Variants in PPDPFL observed in about 807,000 individuals in gnomAD.
The protein encoded by PPDPFL is pancreatic progenitor cell differentiation and proliferation factor like, also known as pancreatic progenitor cell differentiation and proliferation factor-like protein.
A neutral mutation model predicts 12.6 loss-of-function variants in PPDPFL; 12 were observed. The ratio of observed to expected loss-of-function variants is 0.95; its 90% CI spans 0.61 to 1.54. The LOEUF is 1.54. Among genes scored for constraint, PPDPFL ranks in the 40% most tolerant of loss-of-function variants. The pLI is 0.00. For missense variants in PPDPFL, 114 were observed against 96.0 expected, an observed-to-expected ratio of 1.19 and a Z score of -0.78; for synonymous variants, 24 against 32.7, an observed-to-expected ratio of 0.73 and a Z score of 0.91.
At position 49,072,821 on chromosome 8, in the gene PPDPFL, G is replaced by A. The variant is rs373986282; in HGVS notation, c.-10G>A. ...CACAGCTTCTTGGGTGCTTTCTCAC[G>A]GGTAAAGCCATGGCATCCGTACCTT... is the stretch of plus-strand genomic sequence containing the variant. On this transcript the variant is annotated 5_prime_UTR_variant, in exon 2 of 5. Coordinates refer to ENST00000522267, the MANE Select transcript of PPDPFL (RefSeq NM_001256597.2). 4 of 1,595,314 alleles carry A rather than the reference G, an allele frequency of 2.5e-6. No individual in the cohort carries two copies. The highest frequency in any genetic ancestry group is 1.1e-5 in the South Asian group (1 of 87,360).
chr8:49,073,841 C>A (rs1808438575), intron 2 of PPDPFL, among the ~76,000 whole-genome samples: 1 of 152,108 alleles, frequency 6.6e-6, no homozygotes. Flanking sequence ...GAGTTTCCTG[C>A]CTTGGAAATG....
intron 1 of PPDPFL, among the ~76,000 whole-genome samples, chr8:49,064,849 G>A (rs1808269682): frequency 1.3e-5 from 2 of 152,122 alleles, no homozygotes; most frequent in East Asian, 3.9e-4. Flanking sequence ...GGGGAAAATG[G>A]TGTTTAAATT....
chr8:49,074,278 T>A lies in PPDPFL; in HGVS notation c.178T>A (p.Phe60Ile). Residue 60 changes from phenylalanine to isoleucine, a missense_variant, in exon 4 of 5, where the codon TTC becomes ATC. By Grantham distance (21) the Phe-to-Ile change is conservative. Coordinates refer to ENST00000522267, the MANE Select transcript of PPDPFL (RefSeq NM_001256597.2). Reference protein sequence around the residue: ...AESTWWFKSFFHSEPVLSNVR... With the variant: ...AESTWWFKSFIHSEPVLSNVR... ...ATCCACCTGGTGGTTTAAATCGTTT[T>A]TCCATTCTGAACCTGTGCTTTCAAA... The A allele has an allele frequency of 6.2e-7, 1 of 1,614,056 alleles. No individual in the cohort carries two copies. Among genetic ancestry groups the A allele is most frequent in the Non-Finnish European group, 8.5e-7 (1 of 1,179,896 alleles).
upstream of PPDPFL, among the ~76,000 whole-genome samples, chr8:49,070,696 G>A (rs958405047): frequency 9.9e-5 from 15 of 152,138 alleles, no homozygotes; most frequent in African/African-American, 3.6e-4. Context: ...AGGAAGGACG[G>A]TCAGGTGAAG....
chr8:49,074,333 G>C lies in PPDPFL; in HGVS notation c.233G>C (p.Gly78Ala). Residue 78 changes from glycine to alanine, a missense_variant and splice_region_variant, in exon 4 of 5, where the codon GGA becomes GCA. By Grantham distance (60) the Gly-to-Ala change is moderately conservative. Coordinates refer to ENST00000522267, the MANE Select transcript of PPDPFL (RefSeq NM_001256597.2). ...AGAATAAAAGATCTGTCTGCTACTGGGTGAGTTTTAGCCTTCTCTGGTAAG... is the reference window on the plus strand; with the variant it reads ...AGAATAAAAGATCTGTCTGCTACTGCGTGAGTTTTAGCCTTCTCTGGTAAG... ...NVRIKDLSAT[G>A]LQMSTL 6.2e-7 allele frequency: 1 copy of C among 1,613,524 alleles called. No homozygotes were observed. Among genetic ancestry groups the C allele is most frequent in the South Asian group, 1.1e-5 (1 of 91,058 alleles).
chr8:49,072,906 G>C (rs1444765931), intron 2 of PPDPFL, 21 bp downstream of exon 2: 1 of 1,586,076 alleles, frequency 6.3e-7, no homozygotes, highest in Non-Finnish European at 8.6e-7. Flanking sequence ...TCATCATAGA[G>C]ACGTCCCTAG....
At position 49,074,270 on chromosome 8, in the gene PPDPFL, A is replaced by G. The variant is rs754045329; in HGVS notation, c.170A>G (p.Lys57Arg). The G allele has an allele frequency of 1.5e-5, 24 of 1,614,052 alleles. No homozygotes were observed. The South Asian group carries it at 2.6e-4, about 18-fold the overall frequency. The stretch of plus-strand genomic sequence containing the variant: ...GTGGCAGAATCCACCTGGTGGTTTA[A>G]ATCGTTTTTCCATTCTGAACCTGTG... ...PEVAESTWWF[K>R]SFFHSEPVLS... The change falls in exon 4 of 5, where the codon AAA becomes AGA. Residue 57 changes from lysine to arginine, a missense_variant. Coordinates refer to ENST00000522267, the MANE Select transcript of PPDPFL (RefSeq NM_001256597.2).
At chr8:49,065,152 A>G (rs1321450129) in intron 1 of PPDPFL, among the ~76,000 whole-genome samples, 3 of 152,186 alleles carry the variant, frequency 2.0e-5, no homozygotes, top group Non-Finnish European at 2.9e-5. Context: ...CAAAAAAACA[A>G]AAAAACAAAA....
intron 2 of PPDPFL, among the ~76,000 whole-genome samples, chr8:49,073,763 C>T (rs1230505623): frequency 6.6e-6 from 1 of 152,036 alleles, no homozygotes; most frequent in East Asian, 1.9e-4. Context: ...CTTGTTCTTT[C>T]TTAGTTTTTG....
chr8:49,056,536 A>G (rs995538759), intron 1 of PPDPFL, among the ~76,000 whole-genome samples: 1 of 152,184 alleles, frequency 6.6e-6, no homozygotes, highest in Non-Finnish European at 1.5e-5. Flanking sequence ...TTCTGTATTC[A>G]CATCATAATA....
chr8:49,065,182 AT>A (rs1808275315), intron 1 of PPDPFL, among the ~76,000 whole-genome samples: 1 of 152,200 alleles, frequency 6.6e-6, no homozygotes, highest in Admixed American at 6.5e-5. Context: ...AGCTCAGAGA[AT>A]CCTAAACGGA....
intron 1 of PPDPFL, among the ~76,000 whole-genome samples, chr8:49,064,283 A>G (rs1362569438): frequency 6.6e-6 from 1 of 152,172 alleles, no homozygotes; most frequent in African/African-American, 2.4e-5. Context: ...AGATGAAGAT[A>G]TGGGTCGGTC....
intron 1 of PPDPFL, among the ~76,000 whole-genome samples, chr8:49,057,436 T>C (rs72641622): frequency 3.7e-4 from 57 of 152,284 alleles, no homozygotes; most frequent in Non-Finnish European, 6.2e-4. Context: ...AAATTTTTTA[T>C]ATTTACTTTT....
intron 2 of PPDPFL, among the ~76,000 whole-genome samples, 200 bp downstream of exon 2, chr8:49,073,085 G>A (rs1037610322): frequency 1.3e-5 from 2 of 152,194 alleles, no homozygotes; most frequent in South Asian, 2.1e-4. Context: ...ACGCTGTATC[G>A]TTGAAGCCAT....
At chr8:49,071,450 G>A (rs1017500373), upstream of PPDPFL, among the ~76,000 whole-genome samples, 4 of 152,158 alleles carry the variant, frequency 2.6e-5, no homozygotes, top group African/African-American at 4.8e-5. Context: ...GAGGTCAGGA[G>A]ATCGAGACCA....
At chr8:49,063,949 T>A (rs1808254259) in intron 1 of PPDPFL, among the ~76,000 whole-genome samples, 1 of 152,100 alleles carries the variant, frequency 6.6e-6, no homozygotes, top group Non-Finnish European at 1.5e-5. Context: ...ATGTACAAAA[T>A]GCTACCCATT....
intron 1 of PPDPFL, among the ~76,000 whole-genome samples, chr8:49,055,337 C>T (rs1272417040): frequency 6.6e-6 from 1 of 151,976 alleles, no homozygotes; most frequent in East Asian, 1.9e-4. Flanking sequence ...TCCTTCTTGC[C>T]CCCTTTGTCT....
upstream of PPDPFL, among the ~76,000 whole-genome samples, chr8:49,070,100 A>G (rs1213845880): frequency 6.6e-6 from 1 of 152,234 alleles, no homozygotes; most frequent in South Asian, 2.1e-4. Context: ...CAGGAAGACG[A>G]ATGGGGCTGG....
upstream of PPDPFL, among the ~76,000 whole-genome samples, chr8:49,071,663 GAA>G (rs906094623): frequency 7.2e-6 from 1 of 138,654 alleles, no homozygotes; most frequent in Non-Finnish European, 1.6e-5. Context: ...CTCAGGAAAA[GAA>G]AAAAAAAAGG....
Sources: allele counts gnomAD v4.1 joint callset (sites outside exome capture counted in the v4.1 genomes callset), GRCh38; gene constraint gnomAD v4.1.1; transcripts MANE v1.5; gene names NCBI Gene and HGNC (gene_info 2026-07-23, HGNC 2026-07-21).